The following ZDHHC13 variants were observed in gnomAD, a reference collection of about 807,000 sequenced individuals.
ZDHHC13 encodes the protein palmitoyltransferase ZDHHC13.
Under a neutral mutation model 86.0 loss-of-function variants are expected in ZDHHC13, and 85 were observed. The ratio of observed to expected loss-of-function variants is 0.99; its 90% confidence interval spans 0.83 to 1.18. The LOEUF (loss-of-function observed/expected upper bound fraction) is 1.18. Ranked by LOEUF, ZDHHC13 falls within the 50% of genes most tolerant of loss-of-function variation. The pLI, the probability that ZDHHC13 is intolerant of heterozygous loss-of-function variation, is 0.00. For missense variants in ZDHHC13, 711 were observed against 730.2 expected, an observed-to-expected ratio of 0.97 and a Z score of 0.30; for synonymous variants, 263 against 246.4, an observed-to-expected ratio of 1.07 and a Z score of -0.63.
intron 8 of ZDHHC13, among the ~76,000 whole-genome samples, chr11:19,153,688 A>G (rs570728605): frequency 6.6e-6 from 1 of 152,082 alleles, no homozygotes; most frequent in African/African-American, 2.4e-5. Flanking sequence ...TAACTCCCAT[A>G]TTTGTCTCTC....
intron 10 of ZDHHC13, among the ~76,000 whole-genome samples, chr11:19,160,790 T>C (rs1172258744): frequency 6.6e-6 from 1 of 151,862 alleles, no homozygotes; most frequent in Non-Finnish European, 1.5e-5. Flanking sequence ...CCTTAAGTAA[T>C]AAACCTATTT....
chr11:19,135,485 C>T (rs935069752), intron 1 of ZDHHC13, among the ~76,000 whole-genome samples: 3 of 152,182 alleles, frequency 2.0e-5, no homozygotes, highest in East Asian at 1.9e-4. Flanking sequence ...AAGGCGGCAG[C>T]GAGGCTGGGG....
intron 1 of ZDHHC13, among the ~76,000 whole-genome samples, chr11:19,141,917 C>T (rs1446274443): frequency 6.6e-6 from 1 of 152,164 alleles, no homozygotes; most frequent in African/African-American, 2.4e-5. Flanking sequence ...CCAAATTATG[C>T]AGTCACTTCT....
At chr11:19,154,053 T>C (rs1229132457) in intron 8 of ZDHHC13, among the ~76,000 whole-genome samples, 1 of 152,184 alleles carries the variant, frequency 6.6e-6, no homozygotes, top group African/African-American at 2.4e-5. Flanking sequence ...TGTCTCCTCA[T>C]TTCTCCCAGA....
chr11:19,146,219 C>T lies in ZDHHC13; in HGVS notation c.212C>T (p.Ala71Val). 6 of 1,610,210 alleles carry T rather than the reference C, an allele frequency of 3.7e-6. No homozygotes were observed. Among genetic ancestry groups the T allele is most frequent in the Non-Finnish European group, 5.1e-6 (6 of 1,178,076 alleles). Reference protein sequence around the residue: ...IFERCKELVEAGYDVRQPDKE... With the variant: ...IFERCKELVEVGYDVRQPDKE... ...GAACGATGTAAAGAGTTGGTAGAAG[C>T]AGGATATGATGTCAGGCAACCAGAT... Residue 71 changes from alanine to valine, a missense_variant, in exon 3 of 17, where the codon GCA (alanine) becomes GTA (valine). Coordinates refer to ENST00000446113, the MANE Select transcript of ZDHHC13 (RefSeq NM_019028.3).
At chr11:19,150,296 A>C (rs1849573583) in intron 5 of ZDHHC13, among the ~76,000 whole-genome samples, 1 of 152,172 alleles carries the variant, frequency 6.6e-6, no homozygotes, top group Non-Finnish European at 1.5e-5. Flanking sequence ...CAGAAAGACA[A>C]GTTGCCTCAG....
At chr11:19,141,210 T>C (rs1441561969) in intron 1 of ZDHHC13, among the ~76,000 whole-genome samples, 1 of 152,172 alleles carries the variant, frequency 6.6e-6, no homozygotes, top group Non-Finnish European at 1.5e-5. Flanking sequence ...GAAATCTGAA[T>C]AGCCTATGAG....
intron 1 of ZDHHC13, among the ~76,000 whole-genome samples, chr11:19,141,170 ATTACT>A (rs942391734): frequency 4.6e-5 from 7 of 152,050 alleles, no homozygotes; most frequent in South Asian, 2.1e-4. Flanking sequence ...ATTAAAGTTG[ATTACT>A]TTAACAGGAA....
intron 1 of ZDHHC13, among the ~76,000 whole-genome samples, chr11:19,134,899 G>T (rs1475645706): frequency 6.6e-6 from 1 of 152,170 alleles, no homozygotes; most frequent in Non-Finnish European, 1.5e-5. Flanking sequence ...GGGTATGGTG[G>T]CATGCGCCGG....
intron 1 of ZDHHC13, among the ~76,000 whole-genome samples, chr11:19,136,411 T>TA (rs1345564242): frequency 1.3e-5 from 2 of 151,942 alleles, no homozygotes; most frequent in Non-Finnish European, 2.9e-5. Flanking sequence ...CTCCAAGAAA[T>TA]ATGGGACTAT....
In ZDHHC13 at chr11:19,171,812, G is replaced by A. The variant is rs1033224906; in HGVS notation, c.1633-911G>A. Among the ~76,000 whole-genome samples the A allele has an allele frequency of 2.6e-5, 4 of 152,170 alleles. No homozygotes were observed. In the East Asian group the frequency reaches 7.7e-4, roughly 29 times the overall value. ...AGTTTCAGATAATTTTCAAAAGGAAGAATTCAGAACAAAGCTGTTTTCTTA... is the reference window on the plus strand; with the variant it reads ...AGTTTCAGATAATTTTCAAAAGGAAAAATTCAGAACAAAGCTGTTTTCTTA... On this transcript the variant is annotated intron_variant, in intron 15 of 16. Coordinates refer to ENST00000446113, the MANE Select transcript of ZDHHC13 (RefSeq NM_019028.3).
intron 10 of ZDHHC13, among the ~76,000 whole-genome samples, chr11:19,159,599 T>C (rs1312425772): frequency 6.6e-6 from 1 of 152,038 alleles, no homozygotes; most frequent in African/African-American, 2.4e-5. Flanking sequence ...CCCATTTCCT[T>C]TTTAAAAAAT....
rs776534387 is a variant in ZDHHC13, at chr11:19,175,809, T to G, written c.1731-13T>G. 16 of 1,605,614 alleles carry G rather than the reference T, an allele frequency of 1.0e-5. No individual in the cohort carries two copies. The highest frequency in any genetic ancestry group is 1.7e-4 in the Middle Eastern group (1 of 6,058). On this transcript the variant is annotated splice_polypyrimidine_tract_variant and intron_variant, in intron 16 of 16. Coordinates refer to ENST00000446113, the MANE Select transcript of ZDHHC13 (RefSeq NM_019028.3). The stretch of plus-strand genomic sequence containing the variant: ...TATAGTAAGACATGTTCTCTTTTTT[T>G]TTTTCTTGGCAGTCTTGGATTCATG...
At chr11:19,144,677 A>T (rs879895725) in intron 2 of ZDHHC13, among the ~76,000 whole-genome samples, 6 of 152,202 alleles carry the variant, frequency 3.9e-5, no homozygotes, top group Admixed American at 1.3e-4. Context: ...GGCAGAAATT[A>T]TTCTAATTTA....
At position 19,117,641 on chromosome 11, in the gene ZDHHC13, C is replaced by G. The variant is rs1848673914; in HGVS notation, c.27+365C>G. Reference sequence around the variant, plus strand: ...GTGACACACCTGATTCGGACCCGCCCGTCTTGACGTTGGCCCGGAGTCGGA... The same window carrying G: ...GTGACACACCTGATTCGGACCCGCCGGTCTTGACGTTGGCCCGGAGTCGGA... On this transcript the variant is annotated intron_variant, in intron 1 of 16. Coordinates refer to ENST00000446113, the MANE Select transcript of ZDHHC13 (RefSeq NM_019028.3). This position sits in a 1 kb window ranked among gnomAD's most constrained non-coding sequence, Gnocchi z 4.2. The G allele has an allele frequency of 1.4e-5, 4 of 283,784 alleles. No homozygotes were observed. Among genetic ancestry groups the G allele is most frequent in the South Asian group, 3.1e-4 (2 of 6,556 alleles). 17.6% of individuals were successfully genotyped at this position (283,784 alleles called of 1,614,324 possible). A position where few individuals can be genotyped will look rare whatever the true frequency, so the allele number is the denominator to read the frequency against.
chr11:19,152,862 T>A (rs1849651852), intron 8 of ZDHHC13, among the ~76,000 whole-genome samples, 178 bp downstream of exon 8: 3 of 152,172 alleles, frequency 2.0e-5, no homozygotes, highest in Admixed American at 2.0e-4. Context: ...TTTCATTGGC[T>A]ATTTATTGTT....
chr11:19,167,799 T>C (rs1267330836), intron 14 of ZDHHC13: 1 of 152,122 alleles, frequency 6.6e-6, no homozygotes, highest in African/African-American at 2.4e-5. Flanking sequence ...ATTTTATTTG[T>C]TTGTTTTTTG....
At chr11:19,142,853 C>A in intron 1 of ZDHHC13, 125 bp from the exon 2 acceptor site, 4 of 1,101,490 alleles carry the variant, frequency 3.6e-6, no homozygotes, top group East Asian at 2.6e-5. Context: ...TCAGGATACA[C>A]TTCTAAAACT....
rs745395603 is a variant in ZDHHC13 at position 19,163,366 on chromosome 11, T to G, written c.1172T>G (p.Phe391Cys). ...AGCATAGTAGCCTTTCTATACTTTT[T>G]CTATAAGACTTGGGCAACTGATCCA... Reference protein sequence around the residue: ...IFSIVAFLYFFYKTWATDPGF... With the variant: ...IFSIVAFLYFCYKTWATDPGF... Residue 391 changes from phenylalanine (F) to cysteine (C), a missense_variant, in exon 11 of 17, where the codon TTC (phenylalanine) becomes TGC (cysteine). Coordinates refer to ENST00000446113, the MANE Select transcript of ZDHHC13 (RefSeq NM_019028.3). 6.2e-7 allele frequency: 1 copy of G among 1,608,986 alleles called. No individual in the cohort carries two copies. Among genetic ancestry groups the G allele is most frequent in the African/African-American group, 1.3e-5 (1 of 74,728 alleles).
Sources: gnomAD v4.1 joint callset for allele counts (sites outside exome capture counted in the v4.1 genomes callset) on GRCh38, gnomAD v4.1.1 for gene constraint, Gnocchi (gnomAD v3.1) non-coding constraint, MANE v1.5 for transcripts, NCBI Gene and HGNC (gene_info 2026-07-23, HGNC 2026-07-21) for gene names.